AGBL4: variants seen among roughly 807,000 people sequenced by gnomAD.
AGBL4 encodes the protein cytosolic carboxypeptidase 6.
In AGBL4, 58 loss-of-function variants were observed where a neutral mutation model predicts 66.4. The ratio of observed to expected loss-of-function variants is 0.87; its 90% CI spans 0.71 to 1.09. AGBL4 has a LOEUF of 1.09. Among genes scored for constraint, AGBL4 ranks in the 50% least tolerant of loss-of-function variants. The pLI, the probability that AGBL4 is intolerant of heterozygous loss-of-function variation, is 0.00. For missense variants in AGBL4, 579 were observed against 631.0 expected (o/e 0.92, Z 0.88); for synonymous variants, 234 against 222.9 (o/e 1.05, Z -0.44).
At chr1:49,609,307 A>G (rs557071895) in intron 3 of AGBL4, among the ~76,000 whole-genome samples, 2 of 152,312 alleles carry the variant, frequency 1.3e-5, no homozygotes, top group South Asian at 4.1e-4. Flanking sequence ...GGAGAAAAGT[A>G]TTTGATGAGA....
chr1:48,654,201 C>T (rs1337085445), intron 7 of AGBL4, among the ~76,000 whole-genome samples: 1 of 152,182 alleles, frequency 6.6e-6, no homozygotes, highest in Non-Finnish European at 1.5e-5. Flanking sequence ...CTTCTCCATC[C>T]CACTGCCTGT....
chr1:49,087,031 T>A (rs552894192), intron 4 of AGBL4, among the ~76,000 whole-genome samples: 9 of 135,214 alleles, frequency 6.7e-5, no homozygotes, highest in East Asian at 2.1e-4. Context: ...TAAGAGAAGG[T>A]AAAAGAAAAA....
rs553393486 is a variant in AGBL4 at position 49,925,339 on chromosome 1, C to T, written c.35-73821G>A. Among the ~76,000 whole-genome samples, 15 of 152,128 alleles carry T rather than the reference C, an allele frequency of 9.9e-5. No individual in the cohort carries two copies. The East Asian group carries it at 2.9e-3, about 29-fold the overall frequency. The stretch of plus-strand genomic sequence containing the variant: ...GAAAGGACCTGGTCCTGACAGGATT[C>T]GCCACGTGCTGACTGAAGAGCCGTT... On this transcript the variant is annotated intron_variant, in intron 1 of 13. Coordinates refer to ENST00000371839, the MANE Select transcript of AGBL4 (RefSeq NM_032785.4).
intron 2 of AGBL4, among the ~76,000 whole-genome samples, chr1:49,813,792 C>A (rs1328791735): frequency 6.6e-6 from 1 of 151,910 alleles, no homozygotes; most frequent in African/African-American, 2.4e-5. Context: ...AACAGAGATA[C>A]GGAATATGGA....
intron 5 of AGBL4, among the ~76,000 whole-genome samples, chr1:48,980,444 T>C (rs968912604): frequency 2.0e-5 from 3 of 152,054 alleles, no homozygotes; most frequent in African/African-American, 7.2e-5. Context: ...TGACAGTTAA[T>C]CTAATGGAAT....
chr1:49,087,921 G>A (rs1043228500), intron 4 of AGBL4, among the ~76,000 whole-genome samples: 2 of 152,200 alleles, frequency 1.3e-5, no homozygotes, highest in Non-Finnish European at 2.9e-5. Flanking sequence ...AGAAGAGACT[G>A]AGGGTCTCTA....
intron 11 of AGBL4, among the ~76,000 whole-genome samples, chr1:48,540,607 C>G (rs1193103424): frequency 6.6e-6 from 1 of 152,146 alleles, no homozygotes; most frequent in Non-Finnish European, 1.5e-5. Flanking sequence ...TTGCCCCACA[C>G]TTTCATGACT....
chr1:49,443,104 T>C (rs1646072021), intron 3 of AGBL4, among the ~76,000 whole-genome samples: 1 of 152,138 alleles, frequency 6.6e-6, no homozygotes, highest in African/African-American at 2.4e-5. Context: ...ACATCCTTTG[T>C]CCACTTTTTA....
At chr1:49,040,412 T>C (rs1386986759) in intron 5 of AGBL4, among the ~76,000 whole-genome samples, 1 of 152,124 alleles carries the variant, frequency 6.6e-6, no homozygotes. Flanking sequence ...TTTGACAGTT[T>C]ATCTTTTAAA....
At chr1:49,561,887 A>T (rs1192876712) in intron 3 of AGBL4, among the ~76,000 whole-genome samples, 1 of 152,000 alleles carries the variant, frequency 6.6e-6, no homozygotes, top group Non-Finnish European at 1.5e-5. Flanking sequence ...TGCCACACTG[A>T]CTTCCACAAT....
intron 3 of AGBL4, among the ~76,000 whole-genome samples, chr1:49,247,197 CAAA>C (rs1275613714): frequency 6.6e-6 from 1 of 151,870 alleles, no homozygotes; most frequent in Admixed American, 6.6e-5. Flanking sequence ...TTTCCAAGGG[CAAA>C]AAATAAATTT....
intron 5 of AGBL4, 102 bp from the exon 6 acceptor site, chr1:48,867,332 G>T: frequency 8.6e-7 from 1 of 1,157,720 alleles, no homozygotes; most frequent in Non-Finnish European, 1.3e-6. Context: ...GGGACATACT[G>T]CAGGGTAAAT....
chr1:49,180,080 T>C (rs1296785877), intron 4 of AGBL4, among the ~76,000 whole-genome samples: 1 of 152,082 alleles, frequency 6.6e-6, no homozygotes, highest in African/African-American at 2.4e-5. Flanking sequence ...TTTGTATTTT[T>C]AGTAGAGACG....
At chr1:49,536,874 G>C (rs1390635025) in intron 3 of AGBL4, among the ~76,000 whole-genome samples, 2 of 152,052 alleles carry the variant, frequency 1.3e-5, no homozygotes, top group African/African-American at 4.8e-5. Context: ...CCAGGCATGT[G>C]GTGGGCGCCT....
At chr1:49,174,979 C>T (rs1263600242) in intron 4 of AGBL4, 1 of 152,002 alleles carries the variant, frequency 6.6e-6, no homozygotes, top group African/African-American at 2.4e-5. Flanking sequence ...AGAATAAATT[C>T]ACTTGGCAAA....
chr1:48,795,327 C>T (rs189983390), intron 6 of AGBL4, among the ~76,000 whole-genome samples: 2 of 152,312 alleles, frequency 1.3e-5, no homozygotes, highest in Admixed American at 6.5e-5. Flanking sequence ...ACTCATGCTA[C>T]GTATTCCCTT....
intron 3 of AGBL4, among the ~76,000 whole-genome samples, chr1:49,541,787 C>T (rs1247721635): frequency 6.6e-6 from 1 of 152,246 alleles, no homozygotes; most frequent in Admixed American, 6.5e-5. Context: ...GCTCCTGAGT[C>T]TATTGGGGAC....
intron 3 of AGBL4, among the ~76,000 whole-genome samples, chr1:49,458,584 G>C (rs1473596471): frequency 6.6e-6 from 1 of 151,518 alleles, no homozygotes; most frequent in Non-Finnish European, 1.5e-5. Context: ...GACATCCAAT[G>C]CTTTGCTGAA....
chr1:48,615,730 G>T (rs533070884), intron 9 of AGBL4, among the ~76,000 whole-genome samples: 1 of 152,112 alleles, frequency 6.6e-6, no homozygotes, highest in East Asian at 1.9e-4. Context: ...TTCTGCCATC[G>T]GTTACACCGT....
Sources: gnomAD v4.1 joint callset for allele counts (sites outside exome capture counted in the v4.1 genomes callset) on GRCh38, gnomAD v4.1.1 for gene constraint, MANE v1.5 for transcripts, NCBI Gene and HGNC (gene_info 2026-07-23, HGNC 2026-07-21) for gene names.